Variants in HSPG2 observed in about 807,000 individuals in gnomAD.
The protein encoded by HSPG2 is basement membrane-specific heparan sulfate proteoglycan core protein.
HSPG2 carries 278 observed loss-of-function variants against 526.6 expected under a neutral mutation model. The observed-to-expected ratio is 0.53, with a 90% CI of 0.48 to 0.58. The LOEUF (loss-of-function observed/expected upper bound fraction) is 0.58, where lower values mean the gene tolerates loss of function less well. Among genes scored for constraint, HSPG2 ranks in the 20% least tolerant of loss-of-function variants. HSPG2 has a pLI of 0.00. For synonymous variants in HSPG2, 2,465 were observed against 2,555.4 expected, an observed-to-expected ratio of 0.96 and a Z score of 1.07; for missense variants, 5,354 against 6,099.5, an observed-to-expected ratio of 0.88 and a Z score of 4.07.
intron 1 of HSPG2, among the ~76,000 whole-genome samples, chr1:21,916,313 A>G (rs925066530): frequency 6.6e-6 from 1 of 152,088 alleles, no homozygotes; most frequent in Non-Finnish European, 1.5e-5. Context: ...CATCCTGGCT[A>G]ACACGGTGAA....
At position 21,855,644 on chromosome 1, in the gene HSPG2, T is replaced by C. The variant is rs537049258; in HGVS notation, c.5733A>G (p.Ala1911=). ...GGPGGQLPAK[A]QIHGGILRLP... ...GGCGCAGGATGCCGCCGTGGATTTG[T>C]GCCTTCGCAGGGAGCTGGCCGCCGG... The change falls in exon 46 of 97, where the codon GCA becomes GCG. Residue 1911 remains alanine, a synonymous_variant. Coordinates refer to ENST00000374695, the MANE Select transcript of HSPG2 (RefSeq NM_005529.7). The C allele has an allele frequency of 7.6e-6, 12 of 1,575,750 alleles. No individual in the cohort carries two copies. In the African/African-American group the frequency reaches 9.4e-5, roughly 12 times the overall value.
intron 1 of HSPG2, among the ~76,000 whole-genome samples, chr1:21,929,588 T>TG (rs1433620460): frequency 6.6e-6 from 1 of 151,380 alleles, no homozygotes; most frequent in African/African-American, 2.4e-5. Context: ...GCCGGTTTTT[T>TG]TTTTTTTTTT....
chr1:21,856,559 A>G (rs1375620700), intron 44 of HSPG2, among the ~76,000 whole-genome samples: 4 of 151,928 alleles, frequency 2.6e-5, no homozygotes, highest in Non-Finnish European at 5.9e-5. Context: ...CTGGGATTAT[A>G]GGCACCTGCC....
chr1:21,876,325 G>C lies in HSPG2; in HGVS notation c.2907C>G (p.Phe969Leu). Residue 969 changes from phenylalanine to leucine, a missense_variant, in exon 23 of 97, where the codon TTC (phenylalanine) becomes TTG (leucine). Transcript: ENST00000374695. ...ATCCCAGTTCCCCGGGCGTGGGGGA[G>C]AAGATGCCCTCGTTGGTGGTGTGGG... is the stretch of plus-strand genomic sequence containing the variant. ...ASTHTTNEGIFSPTPGELGFS... is the reference protein window; with the variant it reads ...ASTHTTNEGILSPTPGELGFS... 1 of 1,614,056 alleles carries C rather than the reference G, an allele frequency of 6.2e-7. No homozygotes were observed. Among genetic ancestry groups the C allele is most frequent in the Non-Finnish European group, 8.5e-7 (1 of 1,180,006 alleles).
intron 3 of HSPG2, among the ~76,000 whole-genome samples, chr1:21,891,944 G>T (rs1196454121): frequency 6.6e-6 from 1 of 152,208 alleles, no homozygotes; most frequent in African/African-American, 2.4e-5. Flanking sequence ...CACAATATTT[G>T]TGAATTCATG....
At chr1:21,921,480 C>T (rs969380626) in intron 1 of HSPG2, among the ~76,000 whole-genome samples, 1 of 152,204 alleles carries the variant, frequency 6.6e-6, no homozygotes, top group Non-Finnish European at 1.5e-5. Context: ...CACAAGCTAC[C>T]TGTCAATATG....
intron 1 of HSPG2, among the ~76,000 whole-genome samples, chr1:21,926,989 G>A (rs183692017): frequency 7.2e-5 from 11 of 152,252 alleles, no homozygotes; most frequent in Non-Finnish European, 1.3e-4. Context: ...CAGGAGGTGG[G>A]GGCCGGAGCC....
intron 1 of HSPG2, among the ~76,000 whole-genome samples, chr1:21,919,709 A>G (rs745933207): frequency 1.3e-5 from 2 of 152,118 alleles, no homozygotes; most frequent in African/African-American, 2.4e-5. Flanking sequence ...GCAGATTCTG[A>G]GTCAGTAGGT....
chr1:21,871,635 T>C (rs145429611), intron 33 of HSPG2, among the ~76,000 whole-genome samples: 45 of 152,202 alleles, frequency 3.0e-4, no homozygotes, highest in African/African-American at 1.1e-3. Flanking sequence ...GGGCTTTGGG[T>C]AAGTTACCAA....
chr1:21,896,139 C>T (rs573451060), intron 2 of HSPG2, 36 bp downstream of exon 2: 68 of 1,613,662 alleles, frequency 4.2e-5, no homozygotes, highest in Non-Finnish European at 5.3e-5. Flanking sequence ...TCTCACCCCC[C>T]ACCCCTCTGC....
intron 1 of HSPG2, among the ~76,000 whole-genome samples, chr1:21,910,610 T>C (rs1375795412): frequency 1.3e-5 from 2 of 152,172 alleles, no homozygotes; most frequent in South Asian, 2.1e-4. Context: ...GGAACGGGAA[T>C]TGGTCTGTTT....
chr1:21,933,791 C>T (rs913596767), intron 1 of HSPG2, among the ~76,000 whole-genome samples: 5 of 152,250 alleles, frequency 3.3e-5, no homozygotes, highest in African/African-American at 1.2e-4. Context: ...CACTCAAAAC[C>T]CCATCCTGTG....
intron 37 of HSPG2, among the ~76,000 whole-genome samples, chr1:21,863,082 A>AAAAAAAAAAAG (rs1639948172): frequency 8.8e-6 from 1 of 113,778 alleles, no homozygotes; most frequent in Non-Finnish European, 1.9e-5. Flanking sequence ...AAAAAAAAAA[A>AAAAAAAAAAAG]AAAAAAGAGG....
Position 21,841,930 on chromosome 1 carries a change from C to T in HSPG2, c.9193+72G>A, listed in dbSNP as rs1008255447. 2.1e-4 allele frequency: 331 copies of T among 1,583,816 alleles called. 1 individual carries two copies. Among genetic ancestry groups the T allele is most frequent in the Middle Eastern group, 2.2e-4 (1 of 4,572 alleles). On this transcript the variant is annotated intron_variant, in intron 69 of 96. Transcript: ENST00000374695. ...GGGGCGTCCAGACTTCTGCCCCACC[C>T]TTGCACAGTGGGGATGACGGCACCC...
In HSPG2 at chr1:21,844,267, G is replaced by A; in HGVS notation, c.8497C>T (p.Pro2833Ser). ...CCTTCTGCCACTCGGGAGGAGGAGG[G>A]CTCGATGCGGATGGGTGGGGCTCCA... ...PGGAPPIRIE[P>S]SSSRVAEGQT... Residue 2833 changes from proline to serine, a missense_variant, in exon 65 of 97, where the codon CCC (proline) becomes TCC (serine). By Grantham distance (74) the Pro-to-Ser change is moderately conservative (BLOSUM62 -1). Transcript: ENST00000374695. The A allele has an allele frequency of 6.2e-7, 1 of 1,613,602 alleles. No homozygotes were observed. Among genetic ancestry groups the A allele is most frequent in the Non-Finnish European group, 8.5e-7 (1 of 1,179,962 alleles).
Position 21,828,268 on chromosome 1 carries a change from T to C in HSPG2, c.12396A>G (p.Arg4132=), listed in dbSNP as rs1449106552. The C allele has an allele frequency of 1.2e-6, 2 of 1,613,490 alleles. No individual in the cohort carries two copies. Among genetic ancestry groups the C allele is most frequent in the African/African-American group, 2.7e-5 (2 of 74,894 alleles). ...AGEYEFQCLC[R]DGFKGDLCEH... is the part of the protein sequence containing the mutation. ...AGGCTTTCCCACCTTTGAATCCATCTCGACACAGGCACTGGAACTCATACT... is the reference window on the plus strand; with the variant it reads ...AGGCTTTCCCACCTTTGAATCCATCCCGACACAGGCACTGGAACTCATACT... Residue 4132 remains arginine (R), a synonymous_variant, in exon 89 of 97, where the codon CGA becomes CGG. Coordinates refer to ENST00000374695, the MANE Select transcript of HSPG2 (RefSeq NM_005529.7). This position sits in a 1 kb window ranked among gnomAD's most constrained non-coding sequence, Gnocchi z 6.0.
At chr1:21,882,341 G>A (rs114546866) in intron 13 of HSPG2, among the ~76,000 whole-genome samples, 2,268 of 151,600 alleles carry the variant, frequency 0.015, 42 homozygotes, top group Non-Finnish European at 0.02. Context: ...GATATAAAAT[G>A]GCTAGCTCTT....
At chr1:21,897,830 G>C (rs1642860648) in intron 1 of HSPG2, among the ~76,000 whole-genome samples, 2 of 152,114 alleles carry the variant, frequency 1.3e-5, no homozygotes, top group South Asian at 4.2e-4. Flanking sequence ...TCTCATTACT[G>C]ACTGTACCCT....
At chr1:21,863,278 C>T (rs1203695517) in intron 37 of HSPG2, among the ~76,000 whole-genome samples, 2 of 150,598 alleles carry the variant, frequency 1.3e-5, no homozygotes, top group African/African-American at 4.9e-5. Flanking sequence ...GAGGCTGAGG[C>T]AGGAGAATGG....
Sources: gnomAD v4.1 joint callset for allele counts (sites outside exome capture counted in the v4.1 genomes callset) on GRCh38, gnomAD v4.1.1 for gene constraint, Gnocchi (gnomAD v3.1) non-coding constraint, MANE v1.5 for transcripts, NCBI Gene and HGNC (gene_info 2026-07-23, HGNC 2026-07-21) for gene names.